Variants in IL1RAPL1 observed in about 807,000 individuals in gnomAD.
The protein encoded by IL1RAPL1 is interleukin 1 receptor accessory protein like 1.
In IL1RAPL1, 3 loss-of-function variants were observed where a neutral mutation model predicts 48.4. The ratio of observed to expected loss-of-function variants is 0.06; its 90% CI spans 0.03 to 0.16. The LOEUF (loss-of-function observed/expected upper bound fraction) is 0.16, where lower values mean the gene tolerates loss of function less well. IL1RAPL1 is among the 10% of genes least tolerant of loss of function. The probability of loss-of-function intolerance (pLI) is 1.00; values close to 1 mark genes in which losing one functional copy is unlikely to be tolerated. For missense variants in IL1RAPL1, 349 were observed against 530.6 expected, an observed-to-expected ratio of 0.66 and a Z score of 3.36; for synonymous variants, 185 against 187.7, an observed-to-expected ratio of 0.99 and a Z score of 0.12.
At chrX:29,340,119 CCTTA>C (rs1933053315) in intron 3 of IL1RAPL1, among the ~76,000 whole-genome samples, 1 of 111,950 alleles carries the variant, frequency 8.9e-6, no homozygotes, top group Non-Finnish European at 1.9e-5. Flanking sequence ...TTTCCTTCTG[CCTTA>C]CTGACAAGAA....
intron 6 of IL1RAPL1, among the ~76,000 whole-genome samples, chrX:29,914,387 C>G: frequency 8.9e-6 from 1 of 111,767 alleles, no homozygotes; most frequent in Non-Finnish European, 1.9e-5. Context: ...ATCGGCCTCT[C>G]TGCTAAGGAA....
At chrX:29,480,934 T>C (rs903613490) in intron 5 of IL1RAPL1, among the ~76,000 whole-genome samples, 4 of 112,216 alleles carry the variant, frequency 3.6e-5, no homozygotes, top group Non-Finnish European at 3.8e-5. Context: ...TTCTTAGTTA[T>C]GTTTTCTTTA....
chrX:29,006,932 G>C (rs1054240243), intron 2 of IL1RAPL1, among the ~76,000 whole-genome samples: 1 of 110,791 alleles, frequency 9.0e-6, no homozygotes, highest in African/African-American at 3.3e-5. Context: ...AGTTTTAAAA[G>C]AAGGCCATTA....
At chrX:29,252,111 G>C (rs1461469627) in intron 2 of IL1RAPL1, among the ~76,000 whole-genome samples, 1 of 108,832 alleles carries the variant, frequency 9.2e-6, no homozygotes, top group Admixed American at 9.5e-5. Flanking sequence ...TCTGGGGACT[G>C]TTGTGGGGTA....
At chrX:29,221,620 T>TACACACACACACACACACACACACAC (rs35088625) in intron 2 of IL1RAPL1, among the ~76,000 whole-genome samples, 1 of 79,566 alleles carries the variant, frequency 1.3e-5, no homozygotes, top group Non-Finnish European at 2.5e-5. Context: ...TACACACACA[T>TACACACACACACACACACACACACAC]ACACACACAC....
chrX:28,824,713 T>C (rs1427790299), intron 2 of IL1RAPL1, among the ~76,000 whole-genome samples: 1 of 111,716 alleles, frequency 9.0e-6, no homozygotes, highest in African/African-American at 3.2e-5. Flanking sequence ...TGTATGTGGC[T>C]GTGCTGATTT....
At chrX:28,870,094 A>T (rs1172547514) in intron 2 of IL1RAPL1, among the ~76,000 whole-genome samples, 1 of 111,516 alleles carries the variant, frequency 9.0e-6, no homozygotes, top group African/African-American at 3.3e-5. Flanking sequence ...ATGTTTTATT[A>T]TCCATATTAT....
chrX:29,550,286 G>C, intron 5 of IL1RAPL1, among the ~76,000 whole-genome samples: 1 of 110,755 alleles, frequency 9.0e-6, no homozygotes, highest in Non-Finnish European at 1.9e-5. Context: ...CCGCCTCCCG[G>C]GTTCACGCCA....
chrX:29,918,144 AATATATAT>A (rs748970921), intron 7 of IL1RAPL1, among the ~76,000 whole-genome samples: 5 of 23,761 alleles, frequency 2.1e-4, no homozygotes, highest in African/African-American at 7.2e-4. Context: ...AAAAAAAAAA[AATATATAT>A]ATATATATAT....
intron 2 of IL1RAPL1, among the ~76,000 whole-genome samples, chrX:28,842,596 A>G (rs774094850): frequency 4.0e-4 from 44 of 111,335 alleles, no homozygotes; most frequent in Non-Finnish European, 7.2e-4. Flanking sequence ...AATTACTTTT[A>G]ATCTGTACAT....
At chrX:29,498,597 T>A (rs1045499761) in intron 5 of IL1RAPL1, among the ~76,000 whole-genome samples, 8 of 111,453 alleles carry the variant, frequency 7.2e-5, no homozygotes, top group South Asian at 3.7e-4. Context: ...TTAAAAAAAA[T>A]TTTCTCTTTA....
At chrX:29,617,601 G>A (rs1190487610) in intron 5 of IL1RAPL1, among the ~76,000 whole-genome samples, 1 of 111,962 alleles carries the variant, frequency 8.9e-6, no homozygotes, top group African/African-American at 3.2e-5. Flanking sequence ...AGCCGGCAAC[G>A]AAAGAAACTT....
chrX:29,217,776 CT>C lies in IL1RAPL1; in HGVS notation c.83-65161del, dbSNP rs1930904575. Reference sequence around the variant, plus strand: ...ATTTTTTCTCTCTCTCTCTCTCTCTCTCACACACACACACACACACACACAC... The same window carrying C: ...ATTTTTTCTCTCTCTCTCTCTCTCTCCACACACACACACACACACACACAC... On this transcript the variant is annotated intron_variant, in intron 2 of 10. Coordinates refer to ENST00000378993, the MANE Select transcript of IL1RAPL1 (RefSeq NM_014271.4). Among the ~76,000 whole-genome samples, 6 of 37,200 alleles carry C rather than the reference CT, an allele frequency of 1.6e-4. No individual in the cohort carries two copies. The East Asian group carries it at 7.1e-3, about 44-fold the overall frequency. The allele number at this position is 37,200 out of a possible 115,157, so 32.3% of individuals were successfully genotyped here. A position where few individuals can be genotyped will look rare whatever the true frequency, so the allele number is the denominator to read the frequency against.
chrX:28,901,493 G>A (rs1290059224), intron 2 of IL1RAPL1, among the ~76,000 whole-genome samples: 1 of 111,239 alleles, frequency 9.0e-6, no homozygotes, highest in African/African-American at 3.3e-5. Context: ...ATTGTTGCCT[G>A]TGCTGTACAA....
intron 2 of IL1RAPL1, among the ~76,000 whole-genome samples, chrX:29,270,657 G>A: frequency 8.9e-6 from 1 of 111,775 alleles, no homozygotes; most frequent in Non-Finnish European, 1.9e-5. Flanking sequence ...ACAAGACTTT[G>A]ATTATGTTTG....
At chrX:29,358,469 T>A (rs1933333934) in intron 3 of IL1RAPL1, among the ~76,000 whole-genome samples, 1 of 109,679 alleles carries the variant, frequency 9.1e-6, no homozygotes, top group African/African-American at 3.3e-5. Context: ...ATTGTCAAGA[T>A]ATTTTACTTC....
intron 2 of IL1RAPL1, among the ~76,000 whole-genome samples, chrX:29,282,407 C>G (rs1329141442): frequency 8.9e-6 from 1 of 112,258 alleles, no homozygotes; most frequent in Non-Finnish European, 1.9e-5. Context: ...GACCCTCCCT[C>G]TAAGGTACCT....
intron 1 of IL1RAPL1, among the ~76,000 whole-genome samples, chrX:28,723,541 G>C (rs1407401115): frequency 1.8e-4 from 20 of 111,409 alleles, no homozygotes; most frequent in Non-Finnish European, 1.5e-4. Flanking sequence ...TTTCAAAAAA[G>C]CAGCTTCTGG....
At chrX:29,333,222 C>T (rs1317749808) in intron 3 of IL1RAPL1, among the ~76,000 whole-genome samples, 351 of 106,678 alleles carry the variant, frequency 3.3e-3, no homozygotes, top group African/African-American at 0.012. Context: ...CCAGTAGGGG[C>T]GGCCGGGCAG....
Sources: gnomAD v4.1 joint callset for allele counts (sites outside exome capture counted in the v4.1 genomes callset) on GRCh38, gnomAD v4.1.1 for gene constraint, MANE v1.5 for transcripts, NCBI Gene and HGNC (gene_info 2026-07-23, HGNC 2026-07-21) for gene names.